Variants in ARSG observed in about 807,000 individuals in gnomAD.
ARSG encodes arylsulfatase G, also known as ASG.
A neutral mutation model predicts 50.5 loss-of-function variants in ARSG; 37 were observed. That is an observed-to-expected ratio of 0.73 (90% CI 0.56 to 0.96). The LOEUF (loss-of-function observed/expected upper bound fraction) is 0.96. ARSG is among the 50% of genes least tolerant of loss of function. The pLI is 0.00. For missense variants in ARSG, 629 were observed against 675.3 expected, an observed-to-expected ratio of 0.93 and a Z score of 0.76; for synonymous variants, 225 against 254.6, an observed-to-expected ratio of 0.88 and a Z score of 1.11.
chr17:68,304,999 T>C (rs1555763464), intron 1 of ARSG, among the ~76,000 whole-genome samples: 1 of 152,080 alleles, frequency 6.6e-6, no homozygotes, highest in African/African-American at 2.4e-5. Context: ...TATAGTGAGA[T>C]CCAGTCTGTA....
intron 8 of ARSG, among the ~76,000 whole-genome samples, chr17:68,372,422 T>C (rs951583079): frequency 6.6e-6 from 1 of 152,142 alleles, no homozygotes; most frequent in African/African-American, 2.4e-5. Context: ...CTGTAGGCTG[T>C]ACAGGAAGCA....
At chr17:68,291,637 C>G (rs1425555346) in intron 1 of ARSG, 69 bp downstream of exon 1, 4 of 151,658 alleles carry the variant, frequency 2.6e-5, no homozygotes, top group Non-Finnish European at 5.9e-5. Flanking sequence ...CACAACGCCC[C>G]GATCTCCCAA....
At chr17:68,270,907 ATCT>A (rs2075318336) in intron 1 of ARSG, 1 of 1,614,240 alleles carries the variant, frequency 6.2e-7, no homozygotes, top group Non-Finnish European at 8.5e-7. Context: ...TGCAGAAGAC[ATCT>A]TCTCAATGCC....
At chr17:68,282,806 G>GGTGT (rs1274057463) in intron 1 of ARSG, among the ~76,000 whole-genome samples, 1 of 103,538 alleles carries the variant, frequency 9.7e-6, no homozygotes, top group Admixed American at 9.8e-5. Context: ...AAAAAGGCCA[G>GGTGT]GTGTGCTGGT....
downstream of ARSG, chr17:68,421,292 GATTTT>G (rs2082752355): frequency 6.3e-6 from 1 of 157,592 alleles, no homozygotes; most frequent in African/African-American, 2.4e-5. Context: ...GCATTGCCAT[GATTTT>G]ATTATTAGTG....
At chr17:68,389,910 G>C (rs978198635) in intron 9 of ARSG, among the ~76,000 whole-genome samples, 2 of 152,038 alleles carry the variant, frequency 1.3e-5, no homozygotes, top group Non-Finnish European at 2.9e-5. Context: ...CGAGCCCCCT[G>C]TTGGCCTTCC....
chr17:68,334,678 C>A (rs1053232102), intron 2 of ARSG, among the ~76,000 whole-genome samples: 1 of 152,038 alleles, frequency 6.6e-6, no homozygotes, highest in South Asian at 2.1e-4. Context: ...CTGAGATGGC[C>A]TTGCTCCTAT....
intron 1 of ARSG, among the ~76,000 whole-genome samples, chr17:68,281,546 G>T (rs1442106824): frequency 6.6e-6 from 1 of 152,160 alleles, no homozygotes; most frequent in African/African-American, 2.4e-5. Context: ...CTGTACTCCA[G>T]CCTGGTGACA....
chr17:68,368,060 G>T (rs929412730), intron 6 of ARSG, among the ~76,000 whole-genome samples: 3 of 152,022 alleles, frequency 2.0e-5, no homozygotes, highest in Non-Finnish European at 4.4e-5. Context: ...ACAAGAGTGC[G>T]ACTCTGTCTC....
intron 6 of ARSG, among the ~76,000 whole-genome samples, chr17:68,361,036 G>C (rs563492054): frequency 6.6e-6 from 1 of 152,118 alleles, no homozygotes; most frequent in Admixed American, 6.5e-5. Flanking sequence ...TGTTGGCCAA[G>C]CTTGTCTCGA....
the ARSG span, chr17:68,451,012 C>T: frequency 9.4e-6 from 13 of 1,388,558 alleles, no homozygotes; most frequent in Non-Finnish European, 1.2e-5. Flanking sequence ...CCGGGTCTTG[C>T]CGGCCAGGCG....
At chr17:68,392,418 T>C (rs57873715) in intron 9 of ARSG, among the ~76,000 whole-genome samples, 21,690 of 152,178 alleles carry the variant, frequency 0.14, 2,803 homozygotes, top group East Asian at 0.37. Flanking sequence ...TGCCTTTGGG[T>C]GATGGACTAA....
At chr17:68,356,133 C>T (rs776162935) in intron 5 of ARSG, among the ~76,000 whole-genome samples, 3 of 152,182 alleles carry the variant, frequency 2.0e-5, no homozygotes, top group South Asian at 2.1e-4. Flanking sequence ...CTGCTGGCCT[C>T]GGTCTCCCAA....
rs1388064452 is a variant in ARSG at position 68,344,746 on chromosome 17, G to C, written c.406+955G>C. 1.6e-4 allele frequency among the ~76,000 whole-genome samples: 24 copies of C among 152,202 alleles called. 1 individual carries two copies. The highest frequency in any genetic ancestry group is 1.5e-5 in the Non-Finnish European group (1 of 68,040). On this transcript the variant is annotated intron_variant, in intron 3 of 11. Transcript: ENST00000621439. The stretch of plus-strand genomic sequence containing the variant: ...TGTGTTTGTTAGTCTAACTCTCAAA[G>C]AGCTGGACCCCTTGGGATCCCTGCC...
rs2076220740 is a variant in ARSG, at chr17:68,296,693, TGCTCATCCATAGCCC to T, written c.-552+5126_-552+5140del. On this transcript the variant is annotated intron_variant, in intron 1 of 11. Transcript: ENST00000621439. ...TCCGTCCATCCACCCAAGCGGCCTC[TGCTCATCCATAGCCC>T]ACTCGTGAGCACTGACAACTGCTGT... is the stretch of plus-strand genomic sequence containing the variant. 2.0e-5 allele frequency among the ~76,000 whole-genome samples: 3 copies of T among 152,294 alleles called. No homozygotes were observed. The South Asian group carries it at 6.2e-4, about 32-fold the overall frequency.
chr17:68,265,233 C>A (rs1309530815), intron 1 of ARSG, among the ~76,000 whole-genome samples: 1 of 151,712 alleles, frequency 6.6e-6, no homozygotes, highest in African/African-American at 2.4e-5. Context: ...GTGACTCATG[C>A]CTGTAATCCC....
In ARSG at chr17:68,381,178, T is replaced by C. The variant is rs981237036; in HGVS notation, c.983-3886T>C. 1.3e-5 allele frequency among the ~76,000 whole-genome samples: 2 copies of C among 152,202 alleles called. No individual in the cohort carries two copies. The highest frequency in any genetic ancestry group is 2.4e-5 in the African/African-American group (1 of 41,446). On this transcript the variant is annotated intron_variant, in intron 8 of 11. Coordinates refer to ENST00000621439, the MANE Select transcript of ARSG (RefSeq NM_001267727.2). This position sits in a 1 kb window ranked among gnomAD's most constrained non-coding sequence, Gnocchi z 4.1. ...TTGGGTCCCAGCCAAGAAAGACCAC[T>C]GTTCCTCCGCGTGGGCAGTGGTGAG...
chr17:68,291,855 T>C (rs1345991945), intron 1 of ARSG, among the ~76,000 whole-genome samples: 1 of 151,500 alleles, frequency 6.6e-6, no homozygotes, highest in Non-Finnish European at 1.5e-5. Context: ...CCTGAGGATT[T>C]AGGGATTTAG....
the ARSG span, among the ~76,000 whole-genome samples, chr17:68,437,014 A>ATGTGTGTG: frequency 2.4e-4 from 20 of 82,144 alleles, no homozygotes; most frequent in African/African-American, 8.2e-4. Context: ...AAATATATAT[A>ATGTGTGTG]TATGTGTGTG....
Sources: gnomAD v4.1 joint callset for allele counts (sites outside exome capture counted in the v4.1 genomes callset) on GRCh38, gnomAD v4.1.1 for gene constraint, Gnocchi (gnomAD v3.1) non-coding constraint, MANE v1.5 for transcripts, NCBI Gene and HGNC (gene_info 2026-07-23, HGNC 2026-07-21) for gene names.